NOL4: variants seen among roughly 807,000 people sequenced by gnomAD.
NOL4 encodes nucleolar protein 4, also known as cancer/testis antigen 125.
A neutral mutation model predicts 75.9 loss-of-function variants in NOL4; 17 were observed. That is an observed-to-expected ratio of 0.22 (90% CI 0.15 to 0.34). The LOEUF (loss-of-function observed/expected upper bound fraction) is 0.34, where lower values mean the gene tolerates loss of function less well. NOL4 is among the 10% of genes least tolerant of loss of function. The pLI, the probability that NOL4 is intolerant of heterozygous loss-of-function variation, is 1.00. For missense variants in NOL4, 614 were observed against 793.5 expected, an observed-to-expected ratio of 0.77 and a Z score of 2.72; for synonymous variants, 292 against 289.9, an observed-to-expected ratio of 1.01 and a Z score of -0.07.
intron 1 of NOL4, chr18:34,183,647 G>A (rs1330173584): frequency 1.3e-5 from 2 of 151,932 alleles, no homozygotes; most frequent in Non-Finnish European, 2.9e-5. Context: ...ATAGTATTTA[G>A]CAATTAAAAT....
chr18:34,041,586 C>T (rs1294458853), intron 5 of NOL4, among the ~76,000 whole-genome samples: 1 of 151,846 alleles, frequency 6.6e-6, no homozygotes, highest in Non-Finnish European at 1.5e-5. Context: ...AGTGAATTCA[C>T]ATTTGCTGCA....
At chr18:33,913,592 T>C (rs1360472372) in intron 9 of NOL4, among the ~76,000 whole-genome samples, 1 of 152,142 alleles carries the variant, frequency 6.6e-6, no homozygotes, top group East Asian at 1.9e-4. Context: ...TAACCCATTT[T>C]AAAAGGTTTA....
chr18:34,003,092 T>A (rs1198869470), intron 6 of NOL4, among the ~76,000 whole-genome samples: 2 of 152,252 alleles, frequency 1.3e-5, no homozygotes, highest in South Asian at 4.1e-4. Context: ...ATTTTACATG[T>A]TATTTTTGTT....
chr18:33,871,716 A>T (rs776777119), intron 10 of NOL4, among the ~76,000 whole-genome samples: 1 of 152,056 alleles, frequency 6.6e-6, no homozygotes, highest in Non-Finnish European at 1.5e-5. Context: ...TCTTAAGAGT[A>T]TATAAATATC....
At chr18:34,203,382 C>T (rs539172710) in intron 1 of NOL4, among the ~76,000 whole-genome samples, 3 of 151,842 alleles carry the variant, frequency 2.0e-5, no homozygotes, top group African/African-American at 7.3e-5. Context: ...GGTGGATACA[C>T]AAACCCATAA....
intron 9 of NOL4, among the ~76,000 whole-genome samples, chr18:33,939,604 A>AT (rs1252180355): frequency 6.6e-6 from 1 of 151,864 alleles, no homozygotes; most frequent in Non-Finnish European, 1.5e-5. Context: ...AATGCTTGTG[A>AT]TTTTTTGCAC....
chr18:34,148,335 T>C (rs2146062184), intron 1 of NOL4, among the ~76,000 whole-genome samples: 1 of 152,240 alleles, frequency 6.6e-6, no homozygotes, highest in African/African-American at 2.4e-5. Flanking sequence ...TTTACAGCTT[T>C]CTGCTGTGGG....
chr18:33,962,819 G>T (rs2070258615), intron 6 of NOL4, among the ~76,000 whole-genome samples: 1 of 151,994 alleles, frequency 6.6e-6, no homozygotes, highest in Non-Finnish European at 1.5e-5. Flanking sequence ...CAAATATTCT[G>T]GGCTAATTCA....
intron 6 of NOL4, among the ~76,000 whole-genome samples, chr18:34,012,645 A>G (rs971007739): frequency 1.3e-5 from 2 of 151,966 alleles, no homozygotes; most frequent in African/African-American, 4.8e-5. Flanking sequence ...TTACGCATTC[A>G]TTTACATTTA....
At chr18:33,854,812 G>T (rs1567959494) in intron 10 of NOL4, among the ~76,000 whole-genome samples, 1 of 151,788 alleles carries the variant, frequency 6.6e-6, no homozygotes, top group Non-Finnish European at 1.5e-5. Context: ...GCATCCTTAA[G>T]TAAAATTGAG....
chr18:34,135,501 T>C (rs972981823), intron 1 of NOL4, among the ~76,000 whole-genome samples: 1 of 151,586 alleles, frequency 6.6e-6, no homozygotes, highest in East Asian at 1.9e-4. Context: ...ATCGAGATCA[T>C]CCTCGCTAAT....
intron 5 of NOL4, among the ~76,000 whole-genome samples, chr18:34,080,184 T>C (rs886579786): frequency 5.3e-5 from 8 of 152,198 alleles, no homozygotes; most frequent in African/African-American, 1.4e-4. Context: ...GTCCCTTACA[T>C]TGAGAAGCAT....
intron 6 of NOL4, among the ~76,000 whole-genome samples, chr18:34,014,162 G>C (rs1272262037): frequency 2.0e-5 from 3 of 151,740 alleles, no homozygotes; most frequent in African/African-American, 7.3e-5. Flanking sequence ...ATTAATGTTA[G>C]TTACCATTAA....
At chr18:34,116,435 C>T (rs1266085515) in intron 2 of NOL4, among the ~76,000 whole-genome samples, 3 of 152,186 alleles carry the variant, frequency 2.0e-5, no homozygotes, top group Non-Finnish European at 4.4e-5. Flanking sequence ...CAAATACTGG[C>T]CATTCCTGAG....
intron 5 of NOL4, among the ~76,000 whole-genome samples, chr18:34,056,494 C>T (rs1209020497): frequency 3.3e-5 from 5 of 152,118 alleles, no homozygotes; most frequent in African/African-American, 1.2e-4. Flanking sequence ...GAGGACCCAC[C>T]ATGCCAAACC....
chr18:34,059,649 A>G (rs8091110), intron 5 of NOL4, among the ~76,000 whole-genome samples: 123,997 of 152,006 alleles, frequency 0.82, 50,677 homozygotes, highest in East Asian at 0.97. Context: ...TAACCTCCCT[A>G]AATCTGGAGT....
At chr18:34,016,563 C>T (rs1055868322) in intron 6 of NOL4, among the ~76,000 whole-genome samples, 2 of 152,052 alleles carry the variant, frequency 1.3e-5, no homozygotes, top group African/African-American at 4.8e-5. Context: ...TCTCTCATGG[C>T]TCTGTGCCTT....
intron 2 of NOL4, among the ~76,000 whole-genome samples, chr18:34,109,132 A>G (rs1292846514): frequency 1.3e-5 from 2 of 152,154 alleles, no homozygotes; most frequent in Admixed American, 1.3e-4. Context: ...CTTGAGTGCA[A>G]CAAACTGGGA....
intron 1 of NOL4, among the ~76,000 whole-genome samples, chr18:34,167,532 T>TTAGA (rs71159861): frequency 0.079 from 11,876 of 149,952 alleles, 798 homozygotes; most frequent in African/African-American, 0.18. Context: ...CCTCAAATAA[T>TTAGA]TAGATAGATA....
Sources: allele counts gnomAD v4.1 joint callset (sites outside exome capture counted in the v4.1 genomes callset), GRCh38; gene constraint gnomAD v4.1.1; transcripts MANE v1.5; gene names NCBI Gene and HGNC (gene_info 2026-07-23, HGNC 2026-07-21).